The following NEK10 variants were observed in gnomAD, a reference collection of about 807,000 sequenced individuals.
NEK10 encodes NIMA related kinase 10.
In NEK10, 122 loss-of-function variants were observed where a neutral mutation model predicts 159.8. That is an observed-to-expected ratio of 0.76 (90% CI 0.66 to 0.89). NEK10 has a LOEUF of 0.89. Among genes scored for constraint, NEK10 ranks in the 40% least tolerant of loss-of-function variants. NEK10 has a pLI of 0.00. For missense variants in NEK10, 1,342 were observed against 1,323.1 expected (o/e 1.01, Z -0.22); for synonymous variants, 466 against 457.1 (o/e 1.02, Z -0.25).
intron 30 of NEK10, among the ~76,000 whole-genome samples, chr3:27,154,202 A>G (rs1216131004): frequency 6.6e-6 from 1 of 152,228 alleles, no homozygotes; most frequent in Non-Finnish European, 1.5e-5. Context: ...AAAACCTAGA[A>G]GAGATGGATA....
At chr3:27,326,755 CT>C (rs768290265) in intron 5 of NEK10, among the ~76,000 whole-genome samples, 1 of 152,190 alleles carries the variant, frequency 6.6e-6, no homozygotes, top group Non-Finnish European at 1.5e-5. Flanking sequence ...GCCTCTGCTG[CT>C]GTAAATGTAA....
intron 22 of NEK10, among the ~76,000 whole-genome samples, chr3:27,282,632 T>C (rs1486597247): frequency 7.2e-6 from 1 of 139,018 alleles, no homozygotes; most frequent in East Asian, 2.0e-4. Context: ...TATATATACA[T>C]AACTGTGTTA....
At chr3:27,237,004 G>A (rs761845833) in intron 23 of NEK10, among the ~76,000 whole-genome samples, 3 of 151,154 alleles carry the variant, frequency 2.0e-5, no homozygotes, top group South Asian at 2.1e-4. Context: ...CAAAGTGGCC[G>A]TTTATAGACC....
chr3:27,369,287 CCT>C lies in NEK10; in HGVS notation c.-102_-101del, dbSNP rs1262520317. 6.6e-6 allele frequency: 1 copy of C among 152,650 alleles called. No individual in the cohort carries two copies. The highest frequency in any genetic ancestry group is 1.5e-5 in the Non-Finnish European group (1 of 68,480). 9.5% of individuals were successfully genotyped at this position (152,650 alleles called of 1,614,324 possible). ...CTTATCATTGTCCCTGCTGCTGTCACCTGCTGCTGCAGACCGGGGGTCCCGTC... is the reference window on the plus strand; with the variant it reads ...CTTATCATTGTCCCTGCTGCTGTCACGCTGCTGCAGACCGGGGGTCCCGTC... On this transcript the variant is annotated 5_prime_UTR_variant, in exon 1 of 36. Coordinates refer to ENST00000691995, the MANE Select transcript of NEK10 (RefSeq NM_001394966.1). The surrounding 1 kb of genome is among the most constrained non-coding windows in gnomAD (Gnocchi z 4.2).
chr3:27,215,627 TTTTG>T lies in NEK10; in HGVS notation c.2091-13074_2091-13071del, dbSNP rs1395828710. ...AAGCTGAAATAAGGATTGTACTTTA[TTTTG>T]TTTATCACATTTAAAGAGTGTATGA... On this transcript the variant is annotated intron_variant, in intron 23 of 35. Coordinates refer to ENST00000691995, the MANE Select transcript of NEK10 (RefSeq NM_001394966.1). 7.5e-5 allele frequency: 35 copies of T among 467,960 alleles called. No homozygotes were observed. The East Asian group carries it at 1.1e-3, about 14-fold the overall frequency. 29.0% of individuals were successfully genotyped at this position (467,960 alleles called of 1,614,324 possible).
intron 23 of NEK10, chr3:27,216,476 G>A (rs1361436752): frequency 1.3e-5 from 2 of 152,206 alleles, no homozygotes; most frequent in Non-Finnish European, 2.9e-5. Flanking sequence ...CATTATTTCT[G>A]GTTTTGGCCA....
chr3:27,116,387 A>T (rs1940439838), intron 33 of NEK10, among the ~76,000 whole-genome samples: 1 of 152,134 alleles, frequency 6.6e-6, no homozygotes, highest in Admixed American at 6.6e-5. Flanking sequence ...CATAGTGTCC[A>T]ATAAAGTTAG....
intron 23 of NEK10, among the ~76,000 whole-genome samples, chr3:27,208,229 C>T (rs1327397606): frequency 5.3e-5 from 8 of 151,948 alleles, no homozygotes; most frequent in East Asian, 1.9e-4. Flanking sequence ...ATATAAATCT[C>T]GGTGCATTTT....
chr3:27,271,435 T>C (rs1345774801), intron 22 of NEK10, among the ~76,000 whole-genome samples: 4 of 152,190 alleles, frequency 2.6e-5, no homozygotes, highest in South Asian at 2.1e-4. Flanking sequence ...AATTTTAGCA[T>C]ACAATTCTTG....
At chr3:27,357,878 G>T (rs1435540950) in intron 1 of NEK10, among the ~76,000 whole-genome samples, 1 of 152,118 alleles carries the variant, frequency 6.6e-6, no homozygotes, top group Non-Finnish European at 1.5e-5. Flanking sequence ...CGAGAGTGAG[G>T]CTGGGAAAGG....
In NEK10 at chr3:27,290,693, G is replaced by C. The variant is rs776850415; in HGVS notation, c.1667C>G (p.Ala556Gly). 6 of 1,606,928 alleles carry C rather than the reference G, an allele frequency of 3.7e-6. No individual in the cohort carries two copies. The highest frequency in any genetic ancestry group is 5.1e-6 in the Non-Finnish European group (6 of 1,174,226). ...AMKEVNLHNP[A>G]FGKDKKDRDS... ...TCGATCTTTCTTATCCTTTCCAAATGCTGGGTTATGTAAATTGACCTCTTT... is the reference window on the plus strand; with the variant it reads ...TCGATCTTTCTTATCCTTTCCAAATCCTGGGTTATGTAAATTGACCTCTTT... Residue 556 changes from alanine to glycine, a missense_variant, in exon 19 of 36, where the codon GCA (alanine) becomes GGA (glycine). Transcript: ENST00000691995.
intron 26 of NEK10, among the ~76,000 whole-genome samples, chr3:27,178,392 T>C (rs1293351009): frequency 6.6e-6 from 1 of 152,232 alleles, no homozygotes; most frequent in East Asian, 1.9e-4. Flanking sequence ...ACAACAGCTA[T>C]ATCCTATAGA....
intron 1 of NEK10, among the ~76,000 whole-genome samples, chr3:27,354,263 C>T (rs192489996): frequency 6.6e-6 from 1 of 152,242 alleles, no homozygotes; most frequent in Non-Finnish European, 1.5e-5. Context: ...TCGCGTTTAC[C>T]ACTATCAAAC....
intron 23 of NEK10, among the ~76,000 whole-genome samples, chr3:27,205,310 C>G (rs1339946390): frequency 7.1e-6 from 1 of 141,152 alleles, no homozygotes; most frequent in African/African-American, 2.6e-5. Context: ...TCAATGCCAT[C>G]CCCATCAAGC....
chr3:27,136,869 T>C (rs1251239233), intron 31 of NEK10, among the ~76,000 whole-genome samples: 1 of 152,210 alleles, frequency 6.6e-6, no homozygotes, highest in Non-Finnish European at 1.5e-5. Flanking sequence ...TGTCAGGAGA[T>C]ATGTGGCCCC....
intron 5 of NEK10, among the ~76,000 whole-genome samples, chr3:27,325,226 C>T (rs1278733741): frequency 6.6e-6 from 1 of 152,188 alleles, no homozygotes; most frequent in East Asian, 1.9e-4. Context: ...GCTTGGTGCA[C>T]ACGTTAACAA....
At chr3:27,325,304 C>G (rs2045932039) in intron 5 of NEK10, among the ~76,000 whole-genome samples, 1 of 152,216 alleles carries the variant, frequency 6.6e-6, no homozygotes, top group Non-Finnish European at 1.5e-5. Context: ...ATAATGGAAG[C>G]TATTCTAGAC....
At chr3:27,118,449 G>A (rs1270387774) in intron 33 of NEK10, among the ~76,000 whole-genome samples, 1 of 152,232 alleles carries the variant, frequency 6.6e-6, no homozygotes, top group Non-Finnish European at 1.5e-5. Flanking sequence ...ATAGAGAAGA[G>A]AGAATGGGTT....
chr3:27,197,851 G>T (rs907755915), intron 25 of NEK10, among the ~76,000 whole-genome samples: 4 of 151,096 alleles, frequency 2.6e-5, no homozygotes, highest in African/African-American at 9.8e-5. Context: ...CAACGTGCAG[G>T]TTAGTTACAT....
Sources: gnomAD v4.1 joint callset for allele counts (sites outside exome capture counted in the v4.1 genomes callset) on GRCh38, gnomAD v4.1.1 for gene constraint, Gnocchi (gnomAD v3.1) non-coding constraint, MANE v1.5 for transcripts, NCBI Gene and HGNC (gene_info 2026-07-23, HGNC 2026-07-21) for gene names.